Variants in DCLK1 observed in about 807,000 individuals in gnomAD.
DCLK1 encodes the protein doublecortin like kinase 1.
In DCLK1, 16 loss-of-function variants were observed where a neutral mutation model predicts 86.2. The observed-to-expected ratio is 0.19, with a 90% CI of 0.13 to 0.28. DCLK1 has a LOEUF of 0.28. Among genes scored for constraint, DCLK1 ranks in the 10% least tolerant of loss-of-function variants. The pLI, the probability that DCLK1 is intolerant of heterozygous loss-of-function variation, is 1.00. For missense variants in DCLK1, 590 were observed against 940.2 expected (o/e 0.63, Z 4.87); for synonymous variants, 369 against 370.5 (o/e 1.00, Z 0.05).
Position 35,770,615 on chromosome 13 carries a change from T to C in DCLK1, c.*3920A>G, listed in dbSNP as rs1447272260. ...CCAACTTCAAGTCTTTTAAAATCTT[T>C]GGGCAAAAAAAAATATCATGTAGCA... On this transcript the variant is annotated 3_prime_UTR_variant, in exon 17 of 17. Coordinates refer to ENST00000360631, the MANE Select transcript of DCLK1 (RefSeq NM_001330071.2). 1.3e-5 allele frequency: 2 copies of C among 151,528 alleles called. No homozygotes were observed. Among genetic ancestry groups the C allele is most frequent in the East Asian group, 2.0e-4 (1 of 5,048 alleles). 9.4% of individuals were successfully genotyped at this position (151,528 alleles called of 1,614,324 possible).
At chr13:36,086,838 T>C (rs765686131) in intron 3 of DCLK1, among the ~76,000 whole-genome samples, 3 of 152,198 alleles carry the variant, frequency 2.0e-5, no homozygotes, top group Admixed American at 2.0e-4. Flanking sequence ...CCATGGTGTA[T>C]ATGTGCCACA....
chr13:36,064,550 T>A (rs1027131040), intron 3 of DCLK1, among the ~76,000 whole-genome samples: 4 of 151,776 alleles, frequency 2.6e-5, no homozygotes, highest in Non-Finnish European at 5.9e-5. Flanking sequence ...TCCCAGCTAC[T>A]TGGAAGGCTG....
At chr13:35,954,304 T>C (rs1320130066) in intron 3 of DCLK1, among the ~76,000 whole-genome samples, 1 of 152,172 alleles carries the variant, frequency 6.6e-6, no homozygotes, top group African/African-American at 2.4e-5. Context: ...GTGACCATTA[T>C]AATTAGCTTT....
At chr13:36,092,268 C>T (rs1296893132) in intron 3 of DCLK1, among the ~76,000 whole-genome samples, 1 of 151,806 alleles carries the variant, frequency 6.6e-6, no homozygotes, top group Non-Finnish European at 1.5e-5. Flanking sequence ...TCTCAGTTTC[C>T]TCATCTGTAA....
At chr13:35,879,806 CAT>C (rs778119568) in intron 4 of DCLK1, among the ~76,000 whole-genome samples, 2 of 152,186 alleles carry the variant, frequency 1.3e-5, no homozygotes, top group Non-Finnish European at 2.9e-5. Flanking sequence ...CTTTTTCCCA[CAT>C]GTCATTTGCA....
intron 15 of DCLK1, among the ~76,000 whole-genome samples, chr13:35,794,849 A>T (rs2086776113): frequency 6.6e-6 from 1 of 152,230 alleles, no homozygotes; most frequent in African/African-American, 2.4e-5. Flanking sequence ...GTGAAATTCC[A>T]GTAGAGTGGG....
intron 4 of DCLK1, among the ~76,000 whole-genome samples, chr13:35,893,228 T>C (rs1195870150): frequency 6.6e-6 from 1 of 152,158 alleles, no homozygotes. Flanking sequence ...GCAAGCAGCT[T>C]TCCCAGAAAG....
chr13:35,987,152 T>G (rs1879958317), intron 3 of DCLK1, among the ~76,000 whole-genome samples: 1 of 152,118 alleles, frequency 6.6e-6, no homozygotes, highest in African/African-American at 2.4e-5. Flanking sequence ...CTGGGAGCGG[T>G]GGCTCACGCC....
chr13:36,106,864 T>TTC (rs1312551179), intron 3 of DCLK1, among the ~76,000 whole-genome samples: 1 of 152,156 alleles, frequency 6.6e-6, no homozygotes, highest in African/African-American at 2.4e-5. Flanking sequence ...TTTTAACTTG[T>TTC]AAGAGGAAGA....
chr13:36,125,015 A>T (rs1886120095), intron 2 of DCLK1, among the ~76,000 whole-genome samples: 1 of 152,094 alleles, frequency 6.6e-6, no homozygotes, highest in African/African-American at 2.4e-5. Context: ...AGAGTCGGTG[A>T]CCTTCTCTGC....
chr13:35,985,676 T>C (rs144995522), intron 3 of DCLK1, among the ~76,000 whole-genome samples: 1,982 of 152,336 alleles, frequency 0.013, 15 homozygotes, highest in Admixed American at 0.019. Context: ...CCCTTGGGAC[T>C]GAGGGATTTG....
At chr13:35,880,042 C>T (rs1593693298) in intron 4 of DCLK1, among the ~76,000 whole-genome samples, 1 of 152,222 alleles carries the variant, frequency 6.6e-6, no homozygotes, top group East Asian at 1.9e-4. Context: ...TTCCTCCACG[C>T]TGTTAATGAA....
At chr13:36,061,530 CT>C (rs1447346882) in intron 3 of DCLK1, among the ~76,000 whole-genome samples, 1 of 152,126 alleles carries the variant, frequency 6.6e-6, no homozygotes, top group African/African-American at 2.4e-5. Context: ...CATTTGGATT[CT>C]TTTGTTTTAG....
At chr13:35,920,751 G>T (rs1368083364) in intron 4 of DCLK1, among the ~76,000 whole-genome samples, 1 of 152,006 alleles carries the variant, frequency 6.6e-6, no homozygotes, top group African/African-American at 2.4e-5. Context: ...CGGGAGGAGG[G>T]ACACCTGCTC....
chr13:35,777,602 C>T (rs941605254), intron 16 of DCLK1, among the ~76,000 whole-genome samples: 43 of 152,270 alleles, frequency 2.8e-4, no homozygotes, highest in Admixed American at 2.6e-3. Flanking sequence ...AGAGAAACTT[C>T]TCTTTGTAGA....
intron 4 of DCLK1, among the ~76,000 whole-genome samples, chr13:35,903,367 A>T (rs1874489321): frequency 6.6e-6 from 1 of 152,218 alleles, no homozygotes; most frequent in African/African-American, 2.4e-5. Flanking sequence ...CTAATTGAAC[A>T]GTTTTCTAAC....
chr13:35,827,606 A>C, intron 10 of DCLK1, 29 bp downstream of exon 10: 1 of 1,613,062 alleles, frequency 6.2e-7, no homozygotes, highest in Non-Finnish European at 8.5e-7. Context: ...GCCATCAATA[A>C]AGACTTACTT....
At chr13:36,070,583 T>A (rs1006843000) in intron 3 of DCLK1, among the ~76,000 whole-genome samples, 4 of 152,208 alleles carry the variant, frequency 2.6e-5, no homozygotes, top group Non-Finnish European at 4.4e-5. Context: ...CTCCTTCACT[T>A]TTGGTTTTTA....
intron 3 of DCLK1, among the ~76,000 whole-genome samples, chr13:35,974,984 C>T (rs1382801852): frequency 6.6e-6 from 1 of 152,228 alleles, no homozygotes; most frequent in Non-Finnish European, 1.5e-5. Flanking sequence ...TCATTTCAGT[C>T]AACAGCCCTT....
Sources: allele counts gnomAD v4.1 joint callset (sites outside exome capture counted in the v4.1 genomes callset), GRCh38; gene constraint gnomAD v4.1.1; transcripts MANE v1.5; gene names NCBI Gene and HGNC (gene_info 2026-07-23, HGNC 2026-07-21).